The following ADAT2 variants were observed in gnomAD, a reference collection of about 807,000 sequenced individuals.
ADAT2 encodes the protein tRNA-specific adenosine-34 deaminase catalytic subunit ADAT2.
A neutral mutation model predicts 25.9 loss-of-function variants in ADAT2; 26 were observed. The observed-to-expected ratio is 1.00, with a 90% CI of 0.74 to 1.39. ADAT2 has a LOEUF of 1.39. Among genes scored for constraint, ADAT2 ranks in the 40% most tolerant of loss-of-function variants. The probability of loss-of-function intolerance (pLI) is 0.00; values close to 1 mark genes in which losing one functional copy is unlikely to be tolerated. For missense variants in ADAT2, 220 were observed against 244.8 expected (o/e 0.90, Z 0.68); for synonymous variants, 76 against 86.8 (o/e 0.88, Z 0.69).
In ADAT2 at chr6:143,446,774, G is replaced by A. The variant is rs1779611258; in HGVS notation, c.96+3789C>T. ...TTCCCAGCTCTCTAACTTTGGGGAA[G>A]TTACTGAACTTTCTCAGCTTCAATA... On this transcript the variant is annotated intron_variant, in intron 1 of 5. Coordinates refer to ENST00000237283, the MANE Select transcript of ADAT2 (RefSeq NM_182503.3). This position sits in a 1 kb window ranked among gnomAD's most constrained non-coding sequence, Gnocchi z 5.0. 3.3e-5 allele frequency among the ~76,000 whole-genome samples: 5 copies of A among 151,628 alleles called. No homozygotes were observed. In the South Asian group the frequency reaches 1.0e-3, roughly 32 times the overall value.
In ADAT2 at chr6:143,424,523, C is replaced by T. The variant is rs570575490; in HGVS notation, c.*3940G>A. ...TCATATTTTATGACCAAATGACAAC[C>T]TACCTAGAGTGTTTATCCCATTGGA... On this transcript the variant is annotated 3_prime_UTR_variant, in exon 6 of 6. Coordinates refer to ENST00000237283, the MANE Select transcript of ADAT2 (RefSeq NM_182503.3). This position sits in a 1 kb window ranked among gnomAD's most constrained non-coding sequence, Gnocchi z 4.8. The T allele has an allele frequency of 6.6e-6, 1 of 152,314 alleles. No individual in the cohort carries two copies. The highest frequency in any genetic ancestry group is 1.5e-5 in the Non-Finnish European group (1 of 68,024). 9.4% of individuals were successfully genotyped at this position (152,314 alleles called of 1,614,324 possible).
rs567602109 is a variant in ADAT2, at chr6:143,431,176, A to C, written c.459+1329T>G. ...GCCTGGAGATATGGCTGCAAGCCAC[A>C]GGCATTGATTTGCAGCTGAGCCGAT... On this transcript the variant is annotated intron_variant, in intron 4 of 5. Coordinates refer to ENST00000237283, the MANE Select transcript of ADAT2 (RefSeq NM_182503.3). Among the ~76,000 whole-genome samples the C allele has an allele frequency of 2.0e-5, 3 of 152,248 alleles. No individual in the cohort carries two copies. In the South Asian group the frequency reaches 6.2e-4, roughly 31 times the overall value.
intron 3 of ADAT2, among the ~76,000 whole-genome samples, 194 bp downstream of exon 3, chr6:143,433,637 G>A (rs1779180491): frequency 6.6e-6 from 1 of 152,024 alleles, no homozygotes; most frequent in African/African-American, 2.4e-5. Context: ...ATCATTCCAT[G>A]TTTATTGATA....
At chr6:143,438,502 GTC>G in intron 2 of ADAT2, 86 bp downstream of exon 2, 1 of 1,008,800 alleles carries the variant, frequency 9.9e-7, no homozygotes, top group South Asian at 1.4e-5. Flanking sequence ...ACTATATTCA[GTC>G]TCACCTTCAC....
At position 143,433,999 on chromosome 6, in the gene ADAT2, C is replaced by T; in HGVS notation, c.202-18G>A. On this transcript the variant is annotated intron_variant, in intron 2 of 5. Coordinates refer to ENST00000237283, the MANE Select transcript of ADAT2 (RefSeq NM_182503.3). The stretch of plus-strand genomic sequence containing the variant: ...CGAGTAGCCTGAAAAGAGAAAGGGG[C>T]TTGCACTGATGCTGTTTGCTTCATG... 6.2e-7 allele frequency: 1 copy of T among 1,613,126 alleles called. No homozygotes were observed. Among genetic ancestry groups the T allele is most frequent in the African/African-American group, 1.3e-5 (1 of 75,026 alleles).
intron 1 of ADAT2, among the ~76,000 whole-genome samples, chr6:143,448,104 A>C (rs1413177888): frequency 6.6e-6 from 1 of 152,186 alleles, no homozygotes; most frequent in Non-Finnish European, 1.5e-5. Flanking sequence ...ATTTGTAGGG[A>C]CATGGATGAA....
Position 143,428,312 on chromosome 6 carries a change from G to T in ADAT2, c.*151C>A. ...TCAGACTTCTAAAAAGTGCTAATTT[G>T]TTCCCTTAACAGAGCAAATGATGAG... is the stretch of plus-strand genomic sequence containing the variant. On this transcript the variant is annotated 3_prime_UTR_variant, in exon 6 of 6. Coordinates refer to ENST00000237283, the MANE Select transcript of ADAT2 (RefSeq NM_182503.3). This position sits in a 1 kb window ranked among gnomAD's most constrained non-coding sequence, Gnocchi z 5.0. 1.3e-6 allele frequency: 1 copy of T among 798,576 alleles called. No individual in the cohort carries two copies. Among genetic ancestry groups the T allele is most frequent in the Non-Finnish European group, 2.0e-6 (1 of 509,326 alleles). The allele number at this position is 798,576 out of a possible 1,614,324, so 49.5% of individuals were successfully genotyped here.
intron 1 of ADAT2, among the ~76,000 whole-genome samples, chr6:143,443,159 T>A (rs956583407): frequency 3.3e-5 from 5 of 151,904 alleles, no homozygotes; most frequent in African/African-American, 9.7e-5. Context: ...GATTTTTTTT[T>A]ATACATGTAT....
chr6:143,428,938 A>G lies in ADAT2; in HGVS notation c.460-254T>C, dbSNP rs2060218526. ...TTATTCATCCATTAACTATTATAGA[A>G]GTTACCAGCTTTGTGATCTTGGGTT... On this transcript the variant is annotated intron_variant, in intron 4 of 5. Coordinates refer to ENST00000237283, the MANE Select transcript of ADAT2 (RefSeq NM_182503.3). This position sits in a 1 kb window ranked among gnomAD's most constrained non-coding sequence, Gnocchi z 5.0. Among the ~76,000 whole-genome samples, 12 of 152,206 alleles carry G rather than the reference A, an allele frequency of 7.9e-5. No individual in the cohort carries two copies. The highest frequency in any genetic ancestry group is 7.9e-4 in the Admixed American group (12 of 15,274).
Position 143,428,701 on chromosome 6 carries a change from G to C in ADAT2, c.460-17C>G, listed in dbSNP as rs769436032. On this transcript the variant is annotated splice_polypyrimidine_tract_variant and intron_variant, in intron 4 of 5. Transcript: ENST00000237283. This position sits in a 1 kb window ranked among gnomAD's most constrained non-coding sequence, Gnocchi z 5.0. ...AGGGATACACTGATGGAATGAGAAA[G>C]TTGAGAATAAACATAGGCCTATGAA... The C allele has an allele frequency of 3.1e-6, 5 of 1,612,728 alleles. No individual in the cohort carries two copies. The highest frequency in any genetic ancestry group is 4.2e-6 in the Non-Finnish European group (5 of 1,179,080).
At chr6:143,441,236 G>A (rs1779447480) in intron 1 of ADAT2, among the ~76,000 whole-genome samples, 1 of 152,084 alleles carries the variant, frequency 6.6e-6, no homozygotes, top group Non-Finnish European at 1.5e-5. Context: ...CAAAGAGGAA[G>A]AAAAACATGC....
intron 1 of ADAT2, among the ~76,000 whole-genome samples, chr6:143,443,468 C>T (rs899559376): frequency 6.6e-6 from 1 of 152,092 alleles, no homozygotes; most frequent in Non-Finnish European, 1.5e-5. Flanking sequence ...GAGTTCAAGG[C>T]TGTAGTGAGC....
At chr6:143,439,643 C>G (rs1431631446) in intron 1 of ADAT2, among the ~76,000 whole-genome samples, 4 of 152,124 alleles carry the variant, frequency 2.6e-5, no homozygotes, top group Non-Finnish European at 4.4e-5. Flanking sequence ...AACTAAACTA[C>G]AATGACAGAA....
Position 143,427,136 on chromosome 6 carries a change from A to ACACACACACACACACACACACAC in ADAT2, c.*1326_*1327insGTGTGTGTGTGTGTGTGTGTGTG, listed in dbSNP as rs1554277479. The ACACACACACACACACACACACAC allele has an allele frequency of 3.0e-5, 2 of 65,660 alleles. No individual in the cohort carries two copies. The highest frequency in any genetic ancestry group is 1.0e-4 in the African/African-American group (2 of 19,486). 4.1% of individuals were successfully genotyped at this position (65,660 alleles called of 1,614,324 possible). On this transcript the variant is annotated 3_prime_UTR_variant, in exon 6 of 6. Coordinates refer to ENST00000237283, the MANE Select transcript of ADAT2 (RefSeq NM_182503.3). Reference sequence around the variant, plus strand: ...ACACACACACACACACACACACACAAAACCAAGCAATTATAAGTCCTCTGA... The same window carrying ACACACACACACACACACACACAC: ...ACACACACACACACACACACACACAACACACACACACACACACACACACAACCAAGCAATTATAAGTCCTCTGA...
At chr6:143,447,344 T>A (rs1338332073) in intron 1 of ADAT2, among the ~76,000 whole-genome samples, 2 of 152,202 alleles carry the variant, frequency 1.3e-5, no homozygotes, top group African/African-American at 2.4e-5. Flanking sequence ...TCAAAGCACA[T>A]ACATCCTTTG....
chr6:143,441,578 T>G (rs1779458091), intron 1 of ADAT2: 1 of 152,142 alleles, frequency 6.6e-6, no homozygotes, highest in South Asian at 2.1e-4. Context: ...GGATGGTATA[T>G]TCTCATGATA....
intron 1 of ADAT2, 27 bp downstream of exon 1, chr6:143,450,536 G>T (rs778914897): frequency 6.2e-7 from 1 of 1,611,380 alleles, no homozygotes; most frequent in Non-Finnish European, 8.5e-7. Flanking sequence ...GTCCCACCCC[G>T]CAGCATCTAC....
chr6:143,433,904 T>C lies in ADAT2; in HGVS notation c.279A>G (p.Glu93=). Residue 93 remains glutamate (E), a synonymous_variant, in exon 3 of 6, where the codon GAA becomes GAG. Transcript: ENST00000237283. ...WCRQSGKSPS[E]VFEHTVLYVT... Reference sequence around the variant, plus strand: ...CATACAACACAGTGTGTTCAAATACTTCAGAGGGACTCTTGCCACTTTGAC... The same window carrying C: ...CATACAACACAGTGTGTTCAAATACCTCAGAGGGACTCTTGCCACTTTGAC... 6.2e-7 allele frequency: 1 copy of C among 1,614,134 alleles called. No individual in the cohort carries two copies. The highest frequency in any genetic ancestry group is 8.5e-7 in the Non-Finnish European group (1 of 1,180,024).
intron 1 of ADAT2, among the ~76,000 whole-genome samples, chr6:143,447,088 C>T (rs1414659503): frequency 6.6e-6 from 1 of 152,114 alleles, no homozygotes; most frequent in Non-Finnish European, 1.5e-5. Context: ...AAGTTGATAA[C>T]CTTATATGCT....
Sources: allele counts gnomAD v4.1 joint callset (sites outside exome capture counted in the v4.1 genomes callset), GRCh38; gene constraint gnomAD v4.1.1; non-coding constraint Gnocchi (gnomAD v3.1); transcripts MANE v1.5; gene names NCBI Gene and HGNC (gene_info 2026-07-23, HGNC 2026-07-21).